The following RBFOX1 variants were observed in gnomAD, a reference collection of about 807,000 sequenced individuals.
The protein encoded by RBFOX1 is RNA binding fox-1 homolog 1.
Under a neutral mutation model 57.7 loss-of-function variants are expected in RBFOX1, and 8 were observed. The observed-to-expected ratio is 0.14, with a 90% confidence interval of 0.08 to 0.25. RBFOX1 has a LOEUF of 0.25. Among genes scored for constraint, RBFOX1 ranks in the 10% least tolerant of loss-of-function variants. The pLI is 1.00. For missense variants in RBFOX1, 611 were observed against 548.5 expected, an observed-to-expected ratio of 1.11 and a Z score of -1.14; for synonymous variants, 326 against 222.4, an observed-to-expected ratio of 1.47 and a Z score of -4.15.
At chr16:5,598,441 A>C (rs927176335) in intron 2 of RBFOX1, among the ~76,000 whole-genome samples, 1 of 152,186 alleles carries the variant, frequency 6.6e-6, no homozygotes, top group African/African-American at 2.4e-5. Flanking sequence ...CACACTAAAA[A>C]GTAAAAAGAA....
chr16:6,799,153 A>G (rs985683586), intron 3 of RBFOX1, among the ~76,000 whole-genome samples: 3 of 152,090 alleles, frequency 2.0e-5, no homozygotes, highest in Admixed American at 1.3e-4. Flanking sequence ...AAGAGTTCTT[A>G]GCTTTGCTCA....
chr16:6,318,974 T>C (rs2081433120), intron 2 of RBFOX1, among the ~76,000 whole-genome samples: 1 of 151,896 alleles, frequency 6.6e-6, no homozygotes. Flanking sequence ...GACCAAGCAG[T>C]CACTTCCTCT....
At chr16:5,953,329 A>C (rs1255187703) in intron 4 of RBFOX1, among the ~76,000 whole-genome samples, 1 of 152,226 alleles carries the variant, frequency 6.6e-6, no homozygotes, top group Non-Finnish European at 1.5e-5. Context: ...ATACTTTTAA[A>C]AAAATTATTT....
At chr16:7,205,878 C>G (rs1009567653) in intron 4 of RBFOX1, among the ~76,000 whole-genome samples, 1 of 152,192 alleles carries the variant, frequency 6.6e-6, no homozygotes, top group Admixed American at 6.5e-5. Context: ...TTAACGCATC[C>G]AAAGCAAGGC....
At chr16:6,455,472 G>T (rs966601491) in intron 2 of RBFOX1, among the ~76,000 whole-genome samples, 1 of 152,124 alleles carries the variant, frequency 6.6e-6, no homozygotes, top group Non-Finnish European at 1.5e-5. Flanking sequence ...TGAGTGGCAG[G>T]CAACATGTAA....
intron 4 of RBFOX1, among the ~76,000 whole-genome samples, chr16:7,324,144 G>A (rs909798177): frequency 2.0e-5 from 3 of 152,154 alleles, no homozygotes; most frequent in Non-Finnish European, 1.5e-5. Flanking sequence ...TCATTTGTCC[G>A]TGGTGTCCTT....
intron 1 of RBFOX1, among the ~76,000 whole-genome samples, chr16:6,100,404 C>T (rs577429150): frequency 2.6e-5 from 4 of 152,232 alleles, no homozygotes; most frequent in Admixed American, 1.3e-4. Flanking sequence ...CCGCGTGATC[C>T]GCCCGCCGCG....
chr16:6,479,964 T>C (rs2095346208), intron 2 of RBFOX1, among the ~76,000 whole-genome samples: 1 of 151,088 alleles, frequency 6.6e-6, no homozygotes, highest in Non-Finnish European at 1.5e-5. Flanking sequence ...GGCACAAGAA[T>C]TGCTTAAACC....
At chr16:5,788,293 G>A (rs1000242194) in intron 3 of RBFOX1, among the ~76,000 whole-genome samples, 8 of 152,138 alleles carry the variant, frequency 5.3e-5, no homozygotes, top group African/African-American at 1.9e-4. Flanking sequence ...ATTAACTGCT[G>A]TCCTTATTGG....
chr16:7,706,066 C>A (rs1241757897), intron 14 of RBFOX1, among the ~76,000 whole-genome samples: 1 of 152,110 alleles, frequency 6.6e-6, no homozygotes, highest in East Asian at 1.9e-4. Context: ...CTGTGCTTAG[C>A]CAGCTCTGAG....
chr16:6,655,609 C>G (rs1205879578), intron 3 of RBFOX1, among the ~76,000 whole-genome samples: 1 of 152,042 alleles, frequency 6.6e-6, no homozygotes, highest in Non-Finnish European at 1.5e-5. Flanking sequence ...TTCACAGTCT[C>G]TTTTTATTGA....
At chr16:7,709,958 A>G (rs899837572) in intron 15 of RBFOX1, 4 of 1,011,802 alleles carry the variant, frequency 4.0e-6, no homozygotes. Context: ...CCCCATAGGC[A>G]TTCATTTGAA....
chr16:5,720,833 G>C (rs1042830450), intron 3 of RBFOX1, among the ~76,000 whole-genome samples: 2 of 152,136 alleles, frequency 1.3e-5, no homozygotes, highest in Admixed American at 6.5e-5. Context: ...CATCACTGTA[G>C]CTTTGTAGAA....
At chr16:6,151,705 T>C (rs2096798970) in intron 1 of RBFOX1, among the ~76,000 whole-genome samples, 1 of 152,240 alleles carries the variant, frequency 6.6e-6, no homozygotes, top group Non-Finnish European at 1.5e-5. Context: ...TTAATGAGGC[T>C]ACACAGGCAC....
At chr16:5,417,803 G>A (rs951994239) in intron 1 of RBFOX1, among the ~76,000 whole-genome samples, 4 of 152,282 alleles carry the variant, frequency 2.6e-5, no homozygotes, top group East Asian at 3.9e-4. Flanking sequence ...TGAAATGGCC[G>A]GGTGTGGTGG....
At chr16:6,283,074 C>T (rs2076558318) in intron 1 of RBFOX1, among the ~76,000 whole-genome samples, 1 of 152,296 alleles carries the variant, frequency 6.6e-6, no homozygotes, top group South Asian at 2.1e-4. Context: ...TGCCTGTAAT[C>T]CCAGCCCTTG....
intron 2 of RBFOX1, among the ~76,000 whole-genome samples, chr16:6,623,018 T>C (rs2098255216): frequency 6.6e-6 from 1 of 152,166 alleles, no homozygotes; most frequent in Non-Finnish European, 1.5e-5. Context: ...ACCACATCTT[T>C]TACAAAGCCT....
chr16:6,661,120 T>C (rs915412619), intron 3 of RBFOX1, among the ~76,000 whole-genome samples: 7 of 152,234 alleles, frequency 4.6e-5, no homozygotes, highest in African/African-American at 1.2e-4. Flanking sequence ...AGATTCAGTA[T>C]TGCTGTTTTC....
chr16:7,052,822 A>G (rs533356672), intron 4 of RBFOX1, among the ~76,000 whole-genome samples: 100 of 152,302 alleles, frequency 6.6e-4, no homozygotes, highest in Admixed American at 1.8e-3. Context: ...GTTTTCTTCT[A>G]AATGAATTCG....
Sources: allele counts gnomAD v4.1 joint callset (sites outside exome capture counted in the v4.1 genomes callset), GRCh38; gene constraint gnomAD v4.1.1; transcripts MANE v1.5; gene names NCBI Gene and HGNC (gene_info 2026-07-23, HGNC 2026-07-21).